KLK6: variants seen among roughly 807,000 people sequenced by gnomAD.
KLK6 encodes the protein kallikrein-6.
In KLK6, 16 loss-of-function variants were observed where a neutral mutation model predicts 21.7. The ratio of observed to expected loss-of-function variants is 0.74; its 90% CI spans 0.50 to 1.12. The LOEUF (loss-of-function observed/expected upper bound fraction) is 1.12, where lower values mean the gene tolerates loss of function less well. KLK6 is among the 50% of genes most tolerant of loss of function. KLK6 has a pLI of 0.00. For missense variants in KLK6, 276 were observed against 304.6 expected (o/e 0.91, Z 0.70); for synonymous variants, 116 against 120.1 (o/e 0.97, Z 0.22).
At position 50,958,810 on chromosome 19, in the gene KLK6, C is replaced by G. The variant is rs904025094; in HGVS notation, c.*354G>C. On this transcript the variant is annotated 3_prime_UTR_variant, in exon 7 of 7. Transcript: ENST00000310157. ...AAGAAAGGTACATCCCAAGGGGACACCGACAGTAAGCAGCGGAGCTGGGAT... is the reference window on the plus strand; with the variant it reads ...AAGAAAGGTACATCCCAAGGGGACAGCGACAGTAAGCAGCGGAGCTGGGAT... 1.0e-5 allele frequency: 3 copies of G among 290,504 alleles called. No homozygotes were observed. The allele number at this position is 290,504 out of a possible 1,614,324, so 18.0% of individuals were successfully genotyped here. A position where few individuals can be genotyped will look rare whatever the true frequency, so the allele number is the denominator to read the frequency against.
Position 50,959,128 on chromosome 19 carries a change from G to T in KLK6, c.*36C>A, listed in dbSNP as rs202218287. 2.5e-6 allele frequency: 4 copies of T among 1,612,970 alleles called. No homozygotes were observed. The highest frequency in any genetic ancestry group is 1.6e-4 in the Middle Eastern group (1 of 6,070). ...GAGACGTTCTGGAACCAGCCAGTGG[G>T]GTGGTAGGTCGGGAGGTAGATGTCA... On this transcript the variant is annotated 3_prime_UTR_variant, in exon 7 of 7. Coordinates refer to ENST00000310157, the MANE Select transcript of KLK6 (RefSeq NM_002774.4).
At chr19:50,968,294 T>TG in intron 2 of KLK6, 182 bp from the exon 3 acceptor site, 1 of 658,334 alleles carries the variant, frequency 1.5e-6, no homozygotes, top group Non-Finnish European at 2.8e-6. Context: ...CATCAGAGGA[T>TG]CCCACGAAAA....
At chr19:50,966,716 G>T (rs1303655053) in intron 4 of KLK6, among the ~76,000 whole-genome samples, 1 of 152,158 alleles carries the variant, frequency 6.6e-6, no homozygotes, top group African/African-American at 2.4e-5. Flanking sequence ...CAGGAGAATC[G>T]CTGGAACCTG....
chr19:50,963,252 C>G (rs1169199340), intron 5 of KLK6, 50 bp downstream of exon 5: 31 of 1,579,194 alleles, frequency 2.0e-5, no homozygotes, highest in Non-Finnish European at 2.7e-5. Context: ...CTTTGGCACA[C>G]TTCCCCAAGT....
rs546765977 is a variant in KLK6 at position 50,963,634 on chromosome 19, T to C, written c.198-85A>G. On this transcript the variant is annotated intron_variant, in intron 4 of 6. Transcript: ENST00000310157. ...AGAGGGCTGGGAAGTCATGAATCGCTGGCCTGCTCCTCCCACAGTCTTCCC... is the reference window on the plus strand; with the variant it reads ...AGAGGGCTGGGAAGTCATGAATCGCCGGCCTGCTCCTCCCACAGTCTTCCC... 6.6e-6 allele frequency: 10 copies of C among 1,514,564 alleles called. No homozygotes were observed. The African/African-American group carries it at 8.2e-5, about 12-fold the overall frequency. The allele number at this position is 1,514,564 out of a possible 1,614,324, so 93.8% of individuals were successfully genotyped here.
At chr19:50,967,441 G>C (rs1718028806) in intron 3 of KLK6, 116 bp from the exon 4 acceptor site, 1 of 1,009,008 alleles carries the variant, frequency 9.9e-7, no homozygotes, top group African/African-American at 1.6e-5. Flanking sequence ...TGTAATCCCA[G>C]CTGAGGCAGG....
intron 5 of KLK6, 89 bp downstream of exon 5, chr19:50,963,206 TCCCATGG>T: frequency 6.6e-7 from 1 of 1,511,026 alleles, no homozygotes; most frequent in East Asian, 2.3e-5. Context: ...TAGCCCATCT[TCCCATGG>T]CCCCTCACCA....
intron 3 of KLK6, 152 bp downstream of exon 3, chr19:50,967,913 C>A: frequency 3.3e-6 from 2 of 611,372 alleles, no homozygotes; most frequent in Non-Finnish European, 3.0e-6. Context: ...ATCTGTATTC[C>A]CCACCCTTAG....
At chr19:50,959,767 A>G (rs1246182355) in intron 6 of KLK6, among the ~76,000 whole-genome samples, 114 of 4,090 alleles carry the variant, frequency 0.028, no homozygotes, top group South Asian at 0.08. Flanking sequence ...GGAAGAGGAG[A>G]AGGAGGAGGA....
intron 1 of KLK6, among the ~76,000 whole-genome samples, chr19:50,969,277 C>T (rs998461485): frequency 3.3e-5 from 5 of 152,068 alleles, no homozygotes; most frequent in African/African-American, 1.2e-4. Context: ...TTCTAGTCGG[C>T]TCAGTCCTTA....
At chr19:50,966,951 T>G (rs1221136231) in intron 4 of KLK6, among the ~76,000 whole-genome samples, 1 of 111,306 alleles carries the variant, frequency 9.0e-6, no homozygotes, top group East Asian at 3.2e-4. Context: ...ATTTTGCTTG[T>G]TTTTTTTTGT....
rs77760094 is a variant in KLK6, at chr19:50,959,198, G to A, written c.701C>T (p.Thr234Met). ...PGVYTNVCRY[T>M]NWIQKTIQAK is the part of the protein sequence containing the mutation. ...CTGAATGGTTTTTTGGATCCAGTTC[G>A]TGTATCTGCAGACGTTGGTGTAGAC... Residue 234 changes from threonine to methionine, a missense_variant, in exon 7 of 7, where the codon ACG becomes ATG. Physicochemically the swap from Thr to Met is moderately conservative, Grantham distance 81. Coordinates refer to ENST00000310157, the MANE Select transcript of KLK6 (RefSeq NM_002774.4). The A allele has an allele frequency of 4.6e-3, 7,473 of 1,614,122 alleles. 52 individuals are homozygous for A. Among genetic ancestry groups the A allele is most frequent in the African/African-American group, 0.029 (2,145 of 75,014 alleles).
chr19:50,963,200 C>T, intron 5 of KLK6, 102 bp downstream of exon 5: 1 of 1,479,452 alleles, frequency 6.8e-7, no homozygotes, highest in South Asian at 1.3e-5. Context: ...CACCATTAGC[C>T]CATCTTCCCA....
Position 50,959,294 on chromosome 19 carries a change from A to G in KLK6, c.605T>C (p.Val202Ala). The G allele has an allele frequency of 6.2e-7, 1 of 1,613,786 alleles. No individual in the cohort carries two copies. Among genetic ancestry groups the G allele is most frequent in the Non-Finnish European group, 8.5e-7 (1 of 1,179,946 alleles). Reference sequence around the variant, plus strand: ...AAGGCCTCGGAGGTGGTCTCCACATACCAGCGGACCCCCAGAATCACCCTG... The same window carrying G: ...AAGGCCTCGGAGGTGGTCTCCACATGCCAGCGGACCCCCAGAATCACCCTG... ...SCQGDSGGPL[V>A]CGDHLRGLVS... The change falls in exon 7 of 7, where the codon GTA (valine) becomes GCA (alanine). Residue 202 changes from valine to alanine, a missense_variant. Val to Ala is a moderately conservative substitution (Grantham distance 64). Coordinates refer to ENST00000310157, the MANE Select transcript of KLK6 (RefSeq NM_002774.4).
rs1386258452 is a variant in KLK6 at position 50,958,700 on chromosome 19, G to T, written c.*464C>A. On this transcript the variant is annotated 3_prime_UTR_variant, in exon 7 of 7. Transcript: ENST00000310157. ...GCTATTCCATGTATGTCATAGGTGT[G>T]AAACCTTAAATCTTTCCAACAGCCA... is the stretch of plus-strand genomic sequence containing the variant. The T allele has an allele frequency of 6.1e-6, 1 of 162,650 alleles. No individual in the cohort carries two copies. Among genetic ancestry groups the T allele is most frequent in the East Asian group, 1.8e-4 (1 of 5,524 alleles). 10.1% of individuals were successfully genotyped at this position (162,650 alleles called of 1,614,324 possible).
chr19:50,966,450 C>G (rs1367962658), intron 4 of KLK6, among the ~76,000 whole-genome samples: 1 of 152,248 alleles, frequency 6.6e-6, no homozygotes. Context: ...CGTGGGCCTC[C>G]CTCCCTCTCT....
chr19:50,968,180 C>T (rs1446759575), intron 2 of KLK6, 68 bp from the exon 3 acceptor site: 1 of 1,355,050 alleles, frequency 7.4e-7, no homozygotes, highest in African/African-American at 1.4e-5. Context: ...CTGTCTGCTC[C>T]CTCTGCATCC....
chr19:50,967,325 G>A lies in KLK6; in HGVS notation c.41C>T (p.Ala14Val), dbSNP rs1319710189. 4 of 1,596,540 alleles carry A rather than the reference G, an allele frequency of 2.5e-6. No homozygotes were observed. The highest frequency in any genetic ancestry group is 3.4e-6 in the Non-Finnish European group (4 of 1,169,804). ...LMVVLSLIAAAWAEEQNKLVH... is the reference protein window; with the variant it reads ...LMVVLSLIAAVWAEEQNKLVH... Reference sequence around the variant, plus strand: ...CAACTTATTCTGCTCCTCTGCCCAGGCTGAGGGAGAGAAGATCTGAGTCAG... The same window carrying A: ...CAACTTATTCTGCTCCTCTGCCCAGACTGAGGGAGAGAAGATCTGAGTCAG... Residue 14 changes from alanine (A) to valine (V), a missense_variant and splice_region_variant, in exon 4 of 7, where the codon GCC (alanine) becomes GTC (valine). Physicochemically the swap from Ala to Val is moderately conservative, Grantham distance 64. Coordinates refer to ENST00000310157, the MANE Select transcript of KLK6 (RefSeq NM_002774.4).
intron 4 of KLK6, 104 bp from the exon 5 acceptor site, chr19:50,963,653 T>C (rs2090881530): frequency 7.3e-7 from 1 of 1,366,390 alleles, no homozygotes; most frequent in Non-Finnish European, 1.0e-6. Flanking sequence ...CCTCCCACAG[T>C]CTTCCCCAGC....
Sources: allele counts gnomAD v4.1 joint callset (sites outside exome capture counted in the v4.1 genomes callset), GRCh38; gene constraint gnomAD v4.1.1; transcripts MANE v1.5; gene names NCBI Gene and HGNC (gene_info 2026-07-23, HGNC 2026-07-21).